KCND3: variants seen among roughly 807,000 people sequenced by gnomAD.
The protein encoded by KCND3 is potassium voltage-gated channel subfamily D member 3, also known as A-type voltage-gated potassium channel KCND3.
In KCND3, 9 loss-of-function variants were observed where a neutral mutation model predicts 51.1. That is an observed-to-expected ratio of 0.18 (90% confidence interval 0.11 to 0.31). The LOEUF (loss-of-function observed/expected upper bound fraction) is 0.31. Ranked by LOEUF, KCND3 falls within the 10% of genes least tolerant of loss-of-function variation. The pLI is 1.00. For synonymous variants in KCND3, 349 were observed against 368.0 expected, an observed-to-expected ratio of 0.95 and a Z score of 0.59; for missense variants, 526 against 903.8, an observed-to-expected ratio of 0.58 and a Z score of 5.36.
intron 2 of KCND3, among the ~76,000 whole-genome samples, chr1:111,893,972 T>C (rs893387808): frequency 3.3e-5 from 5 of 152,162 alleles, no homozygotes; most frequent in African/African-American, 1.2e-4. Flanking sequence ...GGCCTTCTCC[T>C]GGGGCTCTCC....
chr1:111,980,393 G>A (rs1674883811), intron 2 of KCND3, among the ~76,000 whole-genome samples: 1 of 152,004 alleles, frequency 6.6e-6, no homozygotes, highest in Non-Finnish European at 1.5e-5. Context: ...AATGACAAAT[G>A]TAATCATTTT....
Position 111,775,818 on chromosome 1 carries a change from G to GCCCCCCCCCC in KCND3, c.*258_*259insGGGGGGGGGG. Reference sequence around the variant, plus strand: ...AGCCTATATCCCCCGGCCTATCCCCGACCCCCCCACCCTCCCTCCCTTCCT... The same window carrying GCCCCCCCCCC: ...AGCCTATATCCCCCGGCCTATCCCCGCCCCCCCCCCACCCCCCCACCCTCCCTCCCTTCCT... On this transcript the variant is annotated 3_prime_UTR_variant, in exon 8 of 8. Transcript: ENST00000302127. 4 of 99,728 alleles carry GCCCCCCCCCC rather than the reference G, an allele frequency of 4.0e-5. 1 individual carries two copies. Among genetic ancestry groups the GCCCCCCCCCC allele is most frequent in the South Asian group, 2.5e-4 (2 of 8,074 alleles). The allele number at this position is 99,728 out of a possible 1,614,324, so 6.2% of individuals were successfully genotyped here.
intron 2 of KCND3, among the ~76,000 whole-genome samples, chr1:111,886,721 C>T (rs1382526067): frequency 6.6e-6 from 1 of 152,204 alleles, no homozygotes; most frequent in African/African-American, 2.4e-5. Flanking sequence ...ACATCCTGGC[C>T]AAGGCACTTA....
chr1:111,939,628 A>T (rs1239912317), intron 2 of KCND3, among the ~76,000 whole-genome samples: 3 of 152,132 alleles, frequency 2.0e-5, no homozygotes, highest in Non-Finnish European at 4.4e-5. Flanking sequence ...TCTATCATTG[A>T]TGGGCATTTG....
intron 2 of KCND3, among the ~76,000 whole-genome samples, chr1:111,837,914 G>T (rs1335865796): frequency 6.6e-6 from 1 of 152,160 alleles, no homozygotes; most frequent in African/African-American, 2.4e-5. Flanking sequence ...GAATTTGTCT[G>T]ATATTTTTTT....
At chr1:111,783,178 T>C (rs1328199815) in intron 3 of KCND3, among the ~76,000 whole-genome samples, 1 of 120,690 alleles carries the variant, frequency 8.3e-6, no homozygotes, top group Non-Finnish European at 1.6e-5. Context: ...AGCTTGGAGA[T>C]CATCCAGACC....
chr1:111,902,302 C>T (rs780560591), intron 2 of KCND3, among the ~76,000 whole-genome samples: 9 of 152,144 alleles, frequency 5.9e-5, no homozygotes, highest in South Asian at 2.1e-4. Context: ...GTGAGGAGGA[C>T]GTGACTTAAC....
intron 2 of KCND3, among the ~76,000 whole-genome samples, chr1:111,917,923 G>C (rs1671298713): frequency 6.6e-6 from 1 of 152,206 alleles, no homozygotes; most frequent in Admixed American, 6.5e-5. Context: ...CAGAACACAA[G>C]TGCACCTTGA....
intron 2 of KCND3, among the ~76,000 whole-genome samples, chr1:111,920,215 C>A (rs1395075495): frequency 6.6e-6 from 1 of 152,186 alleles, no homozygotes; most frequent in East Asian, 1.9e-4. Flanking sequence ...ATCAACTGGG[C>A]AGAAGCAAAC....
intron 2 of KCND3, chr1:111,854,085 C>CT (rs1667947912): frequency 6.6e-6 from 1 of 152,140 alleles, no homozygotes; most frequent in African/African-American, 2.4e-5. Flanking sequence ...GAACATGGGG[C>CT]CCCTCATGCT....
At chr1:111,807,628 A>G (rs1665636802) in intron 2 of KCND3, among the ~76,000 whole-genome samples, 1 of 152,236 alleles carries the variant, frequency 6.6e-6, no homozygotes, top group South Asian at 2.1e-4. Flanking sequence ...GTGAGCCTAG[A>G]CTGCGCCATT....
chr1:111,902,361 G>A (rs1312138602), intron 2 of KCND3, among the ~76,000 whole-genome samples: 3 of 152,188 alleles, frequency 2.0e-5, no homozygotes, highest in Non-Finnish European at 4.4e-5. Context: ...GCAACAGACA[G>A]CAATTTGGTG....
At chr1:111,972,971 C>A (rs730022) in intron 2 of KCND3, among the ~76,000 whole-genome samples, 2 of 152,080 alleles carry the variant, frequency 1.3e-5, no homozygotes, top group East Asian at 3.8e-4. Flanking sequence ...AATGATACTC[C>A]TCAGCAGCTA....
At chr1:111,959,413 C>T (rs1043039299) in intron 2 of KCND3, among the ~76,000 whole-genome samples, 1 of 152,214 alleles carries the variant, frequency 6.6e-6, no homozygotes, top group Non-Finnish European at 1.5e-5. Context: ...CTTCCCACCC[C>T]TCTGGGTCTT....
Position 111,980,710 on chromosome 1 carries a change from T to C in KCND3, c.1106+911A>G, listed in dbSNP as rs189690196. The stretch of plus-strand genomic sequence containing the variant: ...ATCTATGTTTCCATAAAGCCACCTT[T>C]ATTGGCTATAATCCTGCTAGGGTGA... On this transcript the variant is annotated intron_variant, in intron 2 of 7. Coordinates refer to ENST00000302127, the MANE Select transcript of KCND3 (RefSeq NM_001378969.1). 4.2e-3 allele frequency among the ~76,000 whole-genome samples: 646 copies of C among 152,278 alleles called. 2 individuals carry two copies. Among genetic ancestry groups the C allele is most frequent in the Non-Finnish European group, 7.6e-3 (517 of 68,020 alleles).
intron 2 of KCND3, among the ~76,000 whole-genome samples, chr1:111,944,545 A>T (rs560409015): frequency 2.0e-5 from 3 of 152,306 alleles, no homozygotes; most frequent in Admixed American, 1.3e-4. Flanking sequence ...GCACAGGGTG[A>T]GTCCCAGCTG....
intron 2 of KCND3, among the ~76,000 whole-genome samples, chr1:111,875,048 G>A (rs765648897): frequency 6.6e-6 from 1 of 152,200 alleles, no homozygotes; most frequent in Admixed American, 6.5e-5. Flanking sequence ...ATGTCCCGAG[G>A]AGACGCTTTG....
intron 2 of KCND3, among the ~76,000 whole-genome samples, chr1:111,893,638 C>T (rs1279163885): frequency 6.6e-6 from 1 of 152,192 alleles, no homozygotes; most frequent in Non-Finnish European, 1.5e-5. Flanking sequence ...CTGTTAGGTG[C>T]TCCCTGGGGG....
At chr1:111,850,889 GA>G (rs977566210) in intron 2 of KCND3, among the ~76,000 whole-genome samples, 7 of 152,222 alleles carry the variant, frequency 4.6e-5, no homozygotes, top group African/African-American at 1.7e-4. Context: ...TCTCACATGA[GA>G]AACCCCGTGT....
Sources: gnomAD v4.1 joint callset for allele counts (sites outside exome capture counted in the v4.1 genomes callset) on GRCh38, gnomAD v4.1.1 for gene constraint, MANE v1.5 for transcripts, NCBI Gene and HGNC (gene_info 2026-07-23, HGNC 2026-07-21) for gene names.